The following NSMCE2 variants were observed in gnomAD, a reference collection of about 807,000 sequenced individuals.
NSMCE2 encodes the protein E3 SUMO-protein ligase NSE2.
NSMCE2 carries 24 observed loss-of-function variants against 23.8 expected under a neutral mutation model. The ratio of observed to expected loss-of-function variants is 1.01; its 90% confidence interval spans 0.73 to 1.42. The LOEUF (loss-of-function observed/expected upper bound fraction) is 1.42, where lower values mean the gene tolerates loss of function less well. Among genes scored for constraint, NSMCE2 ranks in the 40% most tolerant of loss-of-function variants. The pLI, the probability that NSMCE2 is intolerant of heterozygous loss-of-function variation, is 0.00. For missense variants in NSMCE2, 284 were observed against 296.5 expected (o/e 0.96, Z 0.31); for synonymous variants, 92 against 94.1 (o/e 0.98, Z 0.13).
intron 5 of NSMCE2, among the ~76,000 whole-genome samples, chr8:125,302,715 G>GT (rs1828613577): frequency 6.6e-6 from 1 of 152,106 alleles, no homozygotes; most frequent in Non-Finnish European, 1.5e-5. Flanking sequence ...GTTGGGGAGC[G>GT]TGCAGGGGCA....
At chr8:125,278,105 T>G (rs1448708713) in intron 5 of NSMCE2, among the ~76,000 whole-genome samples, 1 of 152,198 alleles carries the variant, frequency 6.6e-6, no homozygotes, top group Non-Finnish European at 1.5e-5. Context: ...TTGCTGGATT[T>G]TAATTGATTA....
At chr8:125,318,703 C>G (rs1003354779) in intron 5 of NSMCE2, among the ~76,000 whole-genome samples, 1 of 152,132 alleles carries the variant, frequency 6.6e-6, no homozygotes, top group Non-Finnish European at 1.5e-5. Flanking sequence ...TGTGAAACAA[C>G]CACGGCACTC....
intron 3 of NSMCE2, among the ~76,000 whole-genome samples, chr8:125,147,926 C>CT (rs1418546933): frequency 3.3e-5 from 5 of 152,200 alleles, no homozygotes; most frequent in Non-Finnish European, 5.9e-5. Context: ...CATGACCTGT[C>CT]TTTAAGATGC....
chr8:125,256,494 A>G (rs1826422192), intron 5 of NSMCE2, among the ~76,000 whole-genome samples: 1 of 152,206 alleles, frequency 6.6e-6, no homozygotes, highest in Admixed American at 6.5e-5. Context: ...TAGCGATGTC[A>G]GTGAGGCAGT....
intron 5 of NSMCE2, among the ~76,000 whole-genome samples, chr8:125,285,391 G>A (rs1013982498): frequency 2.6e-5 from 4 of 152,044 alleles, no homozygotes; most frequent in African/African-American, 9.7e-5. Flanking sequence ...GCCTGAGTTA[G>A]CAGCTCTCAA....
chr8:125,355,569 G>A (rs776195715), intron 5 of NSMCE2, among the ~76,000 whole-genome samples: 3 of 151,894 alleles, frequency 2.0e-5, no homozygotes, highest in Non-Finnish European at 4.4e-5. Context: ...GCATGGTGTC[G>A]TGCACCTATA....
At chr8:125,257,978 C>T (rs377517025) in intron 5 of NSMCE2, among the ~76,000 whole-genome samples, 4 of 151,982 alleles carry the variant, frequency 2.6e-5, no homozygotes, top group African/African-American at 7.3e-5. Flanking sequence ...ATGGAAAATA[C>T]GTAAATACTT....
intron 3 of NSMCE2, among the ~76,000 whole-genome samples, chr8:125,131,953 C>A (rs1563669314): frequency 2.0e-5 from 3 of 152,204 alleles, no homozygotes; most frequent in Admixed American, 2.0e-4. Flanking sequence ...TCTCCAGAGT[C>A]TATGTTAACA....
At chr8:125,301,646 C>T (rs916606128) in intron 5 of NSMCE2, among the ~76,000 whole-genome samples, 2 of 139,646 alleles carry the variant, frequency 1.4e-5, no homozygotes, top group African/African-American at 5.2e-5. Flanking sequence ...GTTTTCCATA[C>T]AAGCCATTTT....
At chr8:125,222,839 G>A (rs1440165305) in intron 5 of NSMCE2, among the ~76,000 whole-genome samples, 1 of 152,096 alleles carries the variant, frequency 6.6e-6, no homozygotes, top group African/African-American at 2.4e-5. Context: ...GAGGTGGGTG[G>A]ATTGCTTGAG....
intron 5 of NSMCE2, among the ~76,000 whole-genome samples, chr8:125,285,942 G>A (rs748657066): frequency 4.0e-5 from 6 of 151,868 alleles, no homozygotes; most frequent in Non-Finnish European, 7.4e-5. Flanking sequence ...GGTTTGACCT[G>A]ACCAAAACTT....
In NSMCE2 at chr8:125,347,903, G is replaced by A. The variant is rs533281046; in HGVS notation, c.419-9316G>A. On this transcript the variant is annotated intron_variant, in intron 5 of 7. Transcript: ENST00000287437. ...CAGAATGTTGACCTGAGGTGGCAAT[G>A]AATGAAATGCTTACATTTAAGGGGG... 5.3e-5 allele frequency among the ~76,000 whole-genome samples: 8 copies of A among 152,320 alleles called. No individual in the cohort carries two copies. In the South Asian group the frequency reaches 1.5e-3, roughly 28 times the overall value.
intron 5 of NSMCE2, among the ~76,000 whole-genome samples, chr8:125,316,643 CTTCT>C (rs1480008575): frequency 4.2e-4 from 20 of 47,264 alleles, no homozygotes; most frequent in South Asian, 1.1e-3. Flanking sequence ...TCTTTATTTC[CTTCT>C]TTCCTTCTTT....
chr8:125,183,535 T>C (rs1822933355), intron 5 of NSMCE2, among the ~76,000 whole-genome samples: 1 of 152,160 alleles, frequency 6.6e-6, no homozygotes, highest in African/African-American at 2.4e-5. Context: ...AAGATGCTAG[T>C]GAATTAATTG....
chr8:125,283,781 A>G (rs1468188237), intron 5 of NSMCE2, among the ~76,000 whole-genome samples: 1 of 152,148 alleles, frequency 6.6e-6, no homozygotes, highest in East Asian at 1.9e-4. Context: ...CCCTAGAGGA[A>G]CCCAGGGCCC....
intron 5 of NSMCE2, among the ~76,000 whole-genome samples, chr8:125,242,108 G>T (rs774285007): frequency 6.6e-6 from 1 of 151,942 alleles, no homozygotes; most frequent in Admixed American, 6.6e-5. Flanking sequence ...AATAACTGGG[G>T]GGGGAGTTTG....
At chr8:125,285,760 A>G (rs1020053064) in intron 5 of NSMCE2, among the ~76,000 whole-genome samples, 20 of 148,474 alleles carry the variant, frequency 1.3e-4, no homozygotes, top group African/African-American at 3.9e-4. Flanking sequence ...ACACACGCAC[A>G]CACACACACA....
At chr8:125,102,538 G>A in intron 3 of NSMCE2, 51 bp downstream of exon 3, 1 of 1,477,462 alleles carries the variant, frequency 6.8e-7, no homozygotes, top group Non-Finnish European at 9.5e-7. Flanking sequence ...AACACTGTGT[G>A]GTGGTATTTA....
intron 5 of NSMCE2, among the ~76,000 whole-genome samples, chr8:125,253,972 C>A (rs1826304116): frequency 6.6e-6 from 1 of 152,134 alleles, no homozygotes; most frequent in African/African-American, 2.4e-5. Context: ...TCCTAGTGTT[C>A]AGGATGCTTC....
Sources: allele counts gnomAD v4.1 joint callset (sites outside exome capture counted in the v4.1 genomes callset), GRCh38; gene constraint gnomAD v4.1.1; transcripts MANE v1.5; gene names NCBI Gene and HGNC (gene_info 2026-07-23, HGNC 2026-07-21).